The following INPP4B variants were observed in gnomAD, a reference collection of about 807,000 sequenced individuals.
INPP4B encodes inositol polyphosphate 4-phosphatase type II.
INPP4B carries 55 observed loss-of-function variants against 122.5 expected under a neutral mutation model. The ratio of observed to expected loss-of-function variants is 0.45; its 90% CI spans 0.36 to 0.56. The LOEUF (loss-of-function observed/expected upper bound fraction) is 0.56. INPP4B is among the 20% of genes least tolerant of loss of function. INPP4B has a pLI of 0.00. For missense variants in INPP4B, 1,000 were observed against 1,097.7 expected, an observed-to-expected ratio of 0.91 and a Z score of 1.26; for synonymous variants, 403 against 388.7, an observed-to-expected ratio of 1.04 and a Z score of -0.43.
rs183555646 is a variant in INPP4B, at chr4:142,352,534, C to T, written c.373-37772G>A. The stretch of plus-strand genomic sequence containing the variant: ...TTTTCTACACCAAAAATATTCCCAA[C>T]CCATATGTGTACATGTCTTACCAGG... On this transcript the variant is annotated intron_variant, in intron 7 of 25. Coordinates refer to ENST00000262992, the MANE Select transcript of INPP4B (RefSeq NM_001101669.3). Among the ~76,000 whole-genome samples, 457 of 151,540 alleles carry T rather than the reference C, an allele frequency of 3.0e-3. 2 individuals are homozygous for T. Among genetic ancestry groups the T allele is most frequent in the African/African-American group, 0.01 (424 of 41,368 alleles).
intron 9 of INPP4B, among the ~76,000 whole-genome samples, chr4:142,289,477 C>A (rs1755406203): frequency 6.6e-6 from 1 of 152,152 alleles, no homozygotes; most frequent in Non-Finnish European, 1.5e-5. Context: ...ATCATCCCAT[C>A]ACACGGGTAT....
At chr4:142,432,757 T>C (rs927510962) in intron 3 of INPP4B, among the ~76,000 whole-genome samples, 1 of 152,078 alleles carries the variant, frequency 6.6e-6, no homozygotes, top group African/African-American at 2.4e-5. Flanking sequence ...ATTTGTTAAT[T>C]TCTCTATATT....
chr4:142,452,211 T>C (rs968772082), intron 3 of INPP4B, among the ~76,000 whole-genome samples: 6 of 152,166 alleles, frequency 3.9e-5, no homozygotes, highest in African/African-American at 1.2e-4. Context: ...GCTTTGTCCA[T>C]GTTCCAGCAA....
intron 1 of INPP4B, among the ~76,000 whole-genome samples, chr4:142,728,122 G>C (rs959812832): frequency 6.6e-6 from 1 of 152,166 alleles, no homozygotes. Context: ...TCAATTTCTT[G>C]TTAAAGTGGT....
At chr4:142,076,706 C>A (rs969317342) in intron 25 of INPP4B, among the ~76,000 whole-genome samples, 1 of 151,946 alleles carries the variant, frequency 6.6e-6, no homozygotes, top group African/African-American at 2.4e-5. Flanking sequence ...CAAACCTGCA[C>A]GTTGTGCACA....
chr4:142,619,031 C>T (rs1744310611), intron 2 of INPP4B, among the ~76,000 whole-genome samples: 1 of 151,962 alleles, frequency 6.6e-6, no homozygotes, highest in African/African-American at 2.4e-5. Flanking sequence ...ATCAACACCA[C>T]ATTGAGATGT....
intron 8 of INPP4B, among the ~76,000 whole-genome samples, chr4:142,307,884 C>G (rs1338760957): frequency 6.6e-6 from 1 of 152,172 alleles, no homozygotes; most frequent in Non-Finnish European, 1.5e-5. Context: ...GCTGGCTACA[C>G]ATGTCATGAG....
intron 15 of INPP4B, among the ~76,000 whole-genome samples, chr4:142,187,455 G>A (rs1307256647): frequency 6.6e-6 from 1 of 152,012 alleles, no homozygotes; most frequent in Non-Finnish European, 1.5e-5. Flanking sequence ...ACACAAAGAT[G>A]AAAGTTGTTT....
At chr4:142,610,031 T>A (rs971793250) in intron 2 of INPP4B, among the ~76,000 whole-genome samples, 2 of 152,156 alleles carry the variant, frequency 1.3e-5, no homozygotes, top group Non-Finnish European at 2.9e-5. Context: ...TAGATTTTTT[T>A]ATGTTAGTCA....
At chr4:142,038,350 A>G (rs1745259510) in intron 25 of INPP4B, among the ~76,000 whole-genome samples, 1 of 152,188 alleles carries the variant, frequency 6.6e-6, no homozygotes, top group African/African-American at 2.4e-5. Flanking sequence ...TATAATTTAG[A>G]ATATATTATG....
intron 7 of INPP4B, among the ~76,000 whole-genome samples, chr4:142,343,481 G>A (rs1779315065): frequency 2.2e-5 from 3 of 135,424 alleles, no homozygotes; most frequent in Admixed American, 7.2e-5. Flanking sequence ...ACCTGTTAAG[G>A]CTTAAAAAAA....
chr4:142,439,763 G>A (rs887348619), intron 3 of INPP4B, among the ~76,000 whole-genome samples: 1 of 152,126 alleles, frequency 6.6e-6, no homozygotes, highest in Non-Finnish European at 1.5e-5. Flanking sequence ...GACAACCTAT[G>A]ATATCAAATA....
chr4:142,356,425 G>A (rs1304668905), intron 7 of INPP4B, among the ~76,000 whole-genome samples: 1 of 151,636 alleles, frequency 6.6e-6, no homozygotes, highest in Non-Finnish European at 1.5e-5. Context: ...ATATGAGAAG[G>A]AAATGTGAGG....
At chr4:142,585,967 G>A (rs943707342) in intron 2 of INPP4B, among the ~76,000 whole-genome samples, 11 of 151,724 alleles carry the variant, frequency 7.3e-5, no homozygotes, top group South Asian at 4.2e-4. Context: ...CCTTCAACTC[G>A]TCATTTACAT....
At chr4:142,404,967 G>T (rs3775703) in intron 6 of INPP4B, among the ~76,000 whole-genome samples, 39,811 of 151,752 alleles carry the variant, frequency 0.26, 6,408 homozygotes, top group South Asian at 0.39. Flanking sequence ...AAGTTATTTT[G>T]TCATTTGTTC....
intron 2 of INPP4B, among the ~76,000 whole-genome samples, chr4:142,717,967 C>T (rs183281925): frequency 4.0e-5 from 5 of 124,632 alleles, no homozygotes; most frequent in East Asian, 2.4e-4. Flanking sequence ...AAACGAAGAA[C>T]AAGATGTTAG....
At chr4:142,748,118 GC>G (rs1264031593) in intron 1 of INPP4B, among the ~76,000 whole-genome samples, 1 of 151,886 alleles carries the variant, frequency 6.6e-6, no homozygotes, top group Non-Finnish European at 1.5e-5. Flanking sequence ...TATAGAAAAA[GC>G]CCAAATAATT....
At chr4:142,460,879 A>C (rs1166029391) in intron 3 of INPP4B, among the ~76,000 whole-genome samples, 3 of 141,934 alleles carry the variant, frequency 2.1e-5, no homozygotes, top group Non-Finnish European at 4.8e-5. Context: ...TCCACATTTT[A>C]TATCAAATCA....
Position 142,398,445 on chromosome 4 carries a change from T to TATATAAA in INPP4B, c.372+4492_372+4493insTTTATAT, listed in dbSNP as rs749321202. On this transcript the variant is annotated intron_variant, in intron 7 of 25. Coordinates refer to ENST00000262992, the MANE Select transcript of INPP4B (RefSeq NM_001101669.3). ...ATATATATATATATATATATATATA[T>TATATAAA]AAAACATATTAAACATAGTGCTTGG... Among the ~76,000 whole-genome samples, 178 of 74,294 alleles carry TATATAAA rather than the reference T, an allele frequency of 2.4e-3. 2 individuals are homozygous for TATATAAA. The highest frequency in any genetic ancestry group is 3.3e-3 in the Non-Finnish European group (141 of 42,888). 48.7% of individuals were successfully genotyped at this position (74,294 alleles called of 152,430 possible). A position where few individuals can be genotyped will look rare whatever the true frequency, so the allele number is the denominator to read the frequency against.
Sources: allele counts gnomAD v4.1 joint callset (sites outside exome capture counted in the v4.1 genomes callset), GRCh38; gene constraint gnomAD v4.1.1; transcripts MANE v1.5; gene names NCBI Gene and HGNC (gene_info 2026-07-23, HGNC 2026-07-21).